SLC4A4: variants seen among roughly 807,000 people sequenced by gnomAD.
The protein encoded by SLC4A4 is solute carrier family 4 member 4.
A neutral mutation model predicts 111.5 loss-of-function variants in SLC4A4; 27 were observed. That is an observed-to-expected ratio of 0.24 (90% CI 0.18 to 0.33). The LOEUF is 0.33. Among genes scored for constraint, SLC4A4 ranks in the 10% least tolerant of loss-of-function variants. SLC4A4 has a pLI of 1.00. For missense variants in SLC4A4, 909 were observed against 1,315.5 expected (o/e 0.69, Z 4.78); for synonymous variants, 443 against 463.4 (o/e 0.96, Z 0.57).
chr4:71,274,206 A>G (rs770728518), intron 3 of SLC4A4, among the ~76,000 whole-genome samples: 1 of 152,218 alleles, frequency 6.6e-6, no homozygotes, highest in Non-Finnish European at 1.5e-5. Context: ...AAGAAAGAAT[A>G]TATTTACTAC....
At chr4:71,529,701 T>C (rs1186727238) in intron 16 of SLC4A4, among the ~76,000 whole-genome samples, 1 of 152,122 alleles carries the variant, frequency 6.6e-6, no homozygotes, top group Non-Finnish European at 1.5e-5. Flanking sequence ...ATTTATTTGC[T>C]CCCATCTATT....
intron 18 of SLC4A4, among the ~76,000 whole-genome samples, chr4:71,543,746 C>T (rs1436996593): frequency 6.6e-6 from 1 of 152,010 alleles, no homozygotes; most frequent in Non-Finnish European, 1.5e-5. Context: ...TTTGTGGATT[C>T]TTCTCATTAT....
intron 2 of SLC4A4, among the ~76,000 whole-genome samples, chr4:71,251,134 T>G (rs1721045821): frequency 6.6e-6 from 1 of 152,170 alleles, no homozygotes; most frequent in Non-Finnish European, 1.5e-5. Flanking sequence ...AGCTATAGAA[T>G]TTGTAGTTTG....
In SLC4A4 at chr4:71,177,530, T is replaced by C. The variant is rs558980534; in HGVS notation, c.-1-59046T>C. 5.9e-5 allele frequency among the ~76,000 whole-genome samples: 9 copies of C among 152,258 alleles called. 1 individual carries two copies. The South Asian group carries it at 1.9e-3, about 32-fold the overall frequency. On this transcript the variant is annotated intron_variant, in intron 2 of 26. Transcript: ENST00000649996. ...CAAAAAAAGGCAGGGGTTGCAATCC[T>C]AGTCTCTGATAAAGCAGACTTTAAA...
intron 14 of SLC4A4, among the ~76,000 whole-genome samples, chr4:71,484,422 G>A (rs966664635): frequency 6.6e-6 from 1 of 151,510 alleles, no homozygotes; most frequent in Admixed American, 6.6e-5. Flanking sequence ...ACTACTTATT[G>A]AATAGGGAAT....
intron 3 of SLC4A4, among the ~76,000 whole-genome samples, chr4:71,261,019 T>G (rs1232199316): frequency 6.6e-6 from 1 of 152,210 alleles, no homozygotes; most frequent in Non-Finnish European, 1.5e-5. Flanking sequence ...CAATAACCAC[T>G]ATTCTTTAAG....
chr4:71,375,586 A>G (rs1003567480), intron 6 of SLC4A4, among the ~76,000 whole-genome samples: 2 of 152,150 alleles, frequency 1.3e-5, no homozygotes, highest in South Asian at 2.1e-4. Flanking sequence ...GACTCCTCAC[A>G]TGACATTTAT....
chr4:71,376,611 T>G (rs1732425702), intron 6 of SLC4A4, among the ~76,000 whole-genome samples: 2 of 148,398 alleles, frequency 1.3e-5, no homozygotes, highest in Admixed American at 6.8e-5. Flanking sequence ...ATGTTTAAAA[T>G]ATATATACAT....
chr4:71,500,954 G>C (rs1225107639), intron 16 of SLC4A4, among the ~76,000 whole-genome samples: 1 of 152,032 alleles, frequency 6.6e-6, no homozygotes, highest in Non-Finnish European at 1.5e-5. Flanking sequence ...TTTGTGATTT[G>C]ATACAAATTT....
At chr4:71,285,809 T>C (rs932918164) in intron 3 of SLC4A4, among the ~76,000 whole-genome samples, 5 of 152,034 alleles carry the variant, frequency 3.3e-5, no homozygotes, top group Non-Finnish European at 5.9e-5. Flanking sequence ...TTTGGTACTC[T>C]TTTGTTTTCT....
intron 16 of SLC4A4, among the ~76,000 whole-genome samples, chr4:71,520,313 T>C (rs1174925220): frequency 6.6e-6 from 1 of 151,216 alleles, no homozygotes; most frequent in East Asian, 1.9e-4. Flanking sequence ...GTATGAGTTG[T>C]TAAGACTTTA....
At chr4:71,545,420 C>A (rs561983902) in intron 18 of SLC4A4, among the ~76,000 whole-genome samples, 1 of 152,180 alleles carries the variant, frequency 6.6e-6, no homozygotes, top group East Asian at 1.9e-4. Flanking sequence ...GCTCTTGGCA[C>A]TGCTGCTTCC....
chr4:71,398,774 A>C (rs911930833), intron 7 of SLC4A4, among the ~76,000 whole-genome samples: 7 of 152,200 alleles, frequency 4.6e-5, no homozygotes, highest in Non-Finnish European at 1.0e-4. Flanking sequence ...TTCTTTGCTA[A>C]GTGGAAACTA....
At position 71,463,776 on chromosome 4, in the gene SLC4A4, C is replaced by T. The variant is rs1448954426; in HGVS notation, c.1498-2668C>T. On this transcript the variant is annotated intron_variant, in intron 12 of 25. Coordinates refer to ENST00000264485, the MANE Select transcript of SLC4A4 (RefSeq NM_001098484.3). The stretch of plus-strand genomic sequence containing the variant: ...TTAACATTTGCTGAGTGTCTACAGA[C>T]CACATGTAGAGATGGTGGATAGCAT... 2.0e-4 allele frequency among the ~76,000 whole-genome samples: 31 copies of T among 152,016 alleles called. 1 individual carries two copies. Among genetic ancestry groups the T allele is most frequent in the Non-Finnish European group, 1.0e-4 (7 of 68,008 alleles).
At chr4:71,488,000 G>A (rs1175537369) in intron 15 of SLC4A4, among the ~76,000 whole-genome samples, 3 of 151,476 alleles carry the variant, frequency 2.0e-5, no homozygotes, top group African/African-American at 4.8e-5. Context: ...ATACAGAAAG[G>A]AGTTCAACTT....
Position 71,339,415 on chromosome 4 carries a change from A to G in SLC4A4, c.299A>G (p.Asp100Gly), listed in dbSNP as rs1728702973. 1 of 1,614,110 alleles carries G rather than the reference A, an allele frequency of 6.2e-7. No homozygotes were observed. The highest frequency in any genetic ancestry group is 8.5e-7 in the Non-Finnish European group (1 of 1,180,032). ...ERIRFILGEE[D>G]DSPAPPQLFT... ...ATCCGATTCATCTTGGGAGAGGAGGATGACAGCCCAGCTCCCCCTCAGCTC... is the reference window on the plus strand; with the variant it reads ...ATCCGATTCATCTTGGGAGAGGAGGGTGACAGCCCAGCTCCCCCTCAGCTC... The change falls in exon 4 of 26, where the codon GAT becomes GGT. Residue 100 changes from aspartate to glycine, a missense_variant. Transcript: ENST00000264485.
chr4:71,538,036 T>C (rs1213552739), intron 18 of SLC4A4, among the ~76,000 whole-genome samples: 3 of 152,142 alleles, frequency 2.0e-5, no homozygotes, highest in Non-Finnish European at 2.9e-5. Context: ...TTTTCAGATG[T>C]TCTGTATTGA....
At chr4:71,476,627 T>C (rs890993929) in intron 14 of SLC4A4, among the ~76,000 whole-genome samples, 21 of 151,752 alleles carry the variant, frequency 1.4e-4, no homozygotes, top group Admixed American at 1.1e-3. Context: ...CACTTCCTTT[T>C]CTCTTTTTTT....
chr4:71,140,325 G>A (rs112197012), intron 2 of SLC4A4, among the ~76,000 whole-genome samples: 1 of 152,228 alleles, frequency 6.6e-6, no homozygotes, highest in African/African-American at 2.4e-5. Flanking sequence ...GGAGGCTGAG[G>A]GGGGAGGATT....
Sources: gnomAD v4.1 joint callset for allele counts (sites outside exome capture counted in the v4.1 genomes callset) on GRCh38, gnomAD v4.1.1 for gene constraint, MANE v1.5 for transcripts, NCBI Gene and HGNC (gene_info 2026-07-23, HGNC 2026-07-21) for gene names.